DDX20: variants seen among roughly 807,000 people sequenced by gnomAD.
DDX20 encodes probable ATP-dependent RNA helicase DDX20.
In DDX20, 61 loss-of-function variants were observed where a neutral mutation model predicts 76.4. That is an observed-to-expected ratio of 0.80 (90% confidence interval 0.65 to 0.99). The LOEUF is 0.99. Among genes scored for constraint, DDX20 ranks in the 50% least tolerant of loss-of-function variants. DDX20 has a pLI of 0.00. For missense variants in DDX20, 976 were observed against 996.8 expected (o/e 0.98, Z 0.28); for synonymous variants, 357 against 357.4 (o/e 1.00, Z 0.01).
At position 111,756,758 on chromosome 1, in the gene DDX20, A is replaced by C. The variant is rs780427618; in HGVS notation, c.396+18A>C. 1.3e-6 allele frequency: 2 copies of C among 1,594,152 alleles called. No homozygotes were observed. The highest frequency in any genetic ancestry group is 1.7e-6 in the Non-Finnish European group (2 of 1,161,772). On this transcript the variant is annotated intron_variant, in intron 2 of 10. Transcript: ENST00000369702. The stretch of plus-strand genomic sequence containing the variant: ...GTACCCAGGTGAGTTAGCTGAGAGG[A>C]CCAGAGGAGGATGTGTTTTGTGGAC...
rs754589952 is a variant in DDX20, at chr1:111,762,335, T to G, written c.1102T>G (p.Leu368Val). 3.7e-6 allele frequency: 6 copies of G among 1,612,646 alleles called. No homozygotes were observed. In the Admixed American group the frequency reaches 6.7e-5, roughly 18 times the overall value. ...TTGCAGAGTCCTCATTTCCACAGATTTGGTAAATTTCCTATTCAGTTTGGG... is the reference window on the plus strand; with the variant it reads ...TTGCAGAGTCCTCATTTCCACAGATGTGGTAAATTTCCTATTCAGTTTGGG... ...FHCRVLISTDLTSRGIDAEKV... is the reference protein window; with the variant it reads ...FHCRVLISTDVTSRGIDAEKV... The change falls in exon 8 of 11, where the codon TTG becomes GTG. Residue 368 changes from leucine (L) to valine (V), a missense_variant and splice_region_variant. Leu to Val is a conservative substitution (Grantham distance 32). Coordinates refer to ENST00000369702, the MANE Select transcript of DDX20 (RefSeq NM_007204.5).
In DDX20 at chr1:111,760,478, A is replaced by G. The variant is rs749875286; in HGVS notation, c.570A>G (p.Arg190=). 3 of 1,582,492 alleles carry G rather than the reference A, an allele frequency of 1.9e-6. No individual in the cohort carries two copies. In the East Asian group the frequency reaches 6.7e-5, roughly 35 times the overall value. The change falls in exon 4 of 11, where the codon AGA becomes AGG. Residue 190 remains arginine (R), a synonymous_variant. Transcript: ENST00000369702. ...KCHIAVGSPG[R]IKQLIELDYL... Reference sequence around the variant, plus strand: ...CAATTTTTTTTTTTTAATTAGGCAGAATTAAGCAACTCATAGAACTTGACT... The same window carrying G: ...CAATTTTTTTTTTTTAATTAGGCAGGATTAAGCAACTCATAGAACTTGACT...
intron 3 of DDX20, chr1:111,760,251 G>A: frequency 2.4e-6 from 1 of 410,568 alleles, no homozygotes; most frequent in Non-Finnish European, 4.3e-6. Context: ...GATAGAAATG[G>A]TGTTTATTTA....
At chr1:111,759,746 G>A (rs1335738660) in intron 3 of DDX20, among the ~76,000 whole-genome samples, 178 bp downstream of exon 3, 1 of 151,840 alleles carries the variant, frequency 6.6e-6, no homozygotes, top group South Asian at 2.1e-4. Flanking sequence ...AGGCCGAGGC[G>A]GGCGGATCAC....
At position 111,766,427 on chromosome 1, in the gene DDX20, AAGG is replaced by A. The variant is rs1253068772; in HGVS notation, c.2005_2007del (p.Gly669del). ...AGCTCAAGAACCTCTTCCCAGAGCA[AAGG>A]AAATAAGTCATACTTGGAAGGCTCT... On this transcript the variant is annotated inframe_deletion, in exon 11 of 11. Transcript: ENST00000369702. The A allele has an allele frequency of 6.2e-7, 1 of 1,614,052 alleles. No individual in the cohort carries two copies. Among genetic ancestry groups the A allele is most frequent in the African/African-American group, 1.3e-5 (1 of 74,920 alleles).
chr1:111,759,345 TCC>T (rs1663623593), intron 2 of DDX20, 53 bp from the exon 3 acceptor site: 1 of 1,301,636 alleles, frequency 7.7e-7, no homozygotes, highest in African/African-American at 1.5e-5. Context: ...AATATACCAG[TCC>T]CCTATGTATT....
rs778297290 is a variant in DDX20 at position 111,762,341 on chromosome 1, A to C, written c.1104+4A>C. On this transcript the variant is annotated splice_donor_region_variant and intron_variant, in intron 8 of 10. Coordinates refer to ENST00000369702, the MANE Select transcript of DDX20 (RefSeq NM_007204.5). ...AGTCCTCATTTCCACAGATTTGGTA[A>C]ATTTCCTATTCAGTTTGGGTGACTA... The C allele has an allele frequency of 5.6e-6, 9 of 1,611,616 alleles. No homozygotes were observed. The South Asian group carries it at 9.9e-5, about 18-fold the overall frequency.
chr1:111,762,894 C>T lies in DDX20; in HGVS notation c.1211-12C>T. ...AAAATGATTTACTACCTAACATTCT[C>T]TCTGCTTTTAGGTACATTGGGGCTG... On this transcript the variant is annotated splice_polypyrimidine_tract_variant and intron_variant, in intron 9 of 10. Transcript: ENST00000369702. 3.1e-6 allele frequency: 5 copies of T among 1,606,334 alleles called. No homozygotes were observed. The highest frequency in any genetic ancestry group is 2.2e-5 in the East Asian group (1 of 44,826).
intron 2 of DDX20, among the ~76,000 whole-genome samples, chr1:111,757,264 C>T (rs1029308344): frequency 3.9e-5 from 6 of 152,050 alleles, no homozygotes; most frequent in Non-Finnish European, 7.4e-5. Context: ...TTGCACAGAC[C>T]AGCCTTGAAC....
chr1:111,765,613 T>G, intron 10 of DDX20, 124 bp from the exon 11 acceptor site: 1 of 805,164 alleles, frequency 1.2e-6, no homozygotes. Flanking sequence ...ATTAAACATC[T>G]TAGTATATTT....
Position 111,756,176 on chromosome 1 carries a change from G to A in DDX20, c.252G>A (p.Arg84=), listed in dbSNP as rs928477804. The A allele has an allele frequency of 1.5e-5, 23 of 1,535,548 alleles. No homozygotes were observed. The highest frequency in any genetic ancestry group is 1.8e-5 in the Non-Finnish European group (21 of 1,147,990). ...LEGLRAAGFE[R]PSPVQLKAIP... is the part of the protein sequence containing the mutation. ...GGCTGCGGGCGGCCGGCTTCGAGAG[G>A]CCCTCGCCGGTGCAGCTCAAGGCCA... The change falls in exon 1 of 11, where the codon AGG becomes AGA. Residue 84 remains arginine (R), a synonymous_variant. Transcript: ENST00000369702.
chr1:111,761,234 A>T lies in DDX20; in HGVS notation c.971A>T (p.His324Leu). 1 of 1,613,388 alleles carries T rather than the reference A, an allele frequency of 6.2e-7. No homozygotes were observed. The highest frequency in any genetic ancestry group is 8.5e-7 in the Non-Finnish European group (1 of 1,179,634). ...VFSNLHSRAQHLADILSSKGF... is the reference protein window; with the variant it reads ...VFSNLHSRAQLLADILSSKGF... ...TATGTTATATTTCATAGAGCACAACATTTGGCTGATATCCTTTCTTCTAAA... is the reference window on the plus strand; with the variant it reads ...TATGTTATATTTCATAGAGCACAACTTTTGGCTGATATCCTTTCTTCTAAA... Residue 324 changes from histidine (H) to leucine (L), a missense_variant, in exon 7 of 11, where the codon CAT becomes CTT. By Grantham distance (99) the His-to-Leu change is moderately conservative. This residue lies in a region of DDX20 where 630 missense variants were observed against 693.7 expected (regional missense o/e 0.91). Coordinates refer to ENST00000369702, the MANE Select transcript of DDX20 (RefSeq NM_007204.5).
intron 1 of DDX20, 42 bp downstream of exon 1, chr1:111,756,267 A>C: frequency 1.5e-5 from 13 of 863,916 alleles, no homozygotes; most frequent in Non-Finnish European, 1.9e-5. Context: ...GTGGGGTGGG[A>C]GAAGGGGGAC....
At chr1:111,764,992 C>T (rs1223939506) in intron 10 of DDX20, among the ~76,000 whole-genome samples, 1 of 152,186 alleles carries the variant, frequency 6.6e-6, no homozygotes, top group African/African-American at 2.4e-5. Context: ...TTATAGATAA[C>T]ATGGAGCATA....
chr1:111,763,114 C>A, intron 10 of DDX20, 107 bp downstream of exon 10: 2 of 857,650 alleles, frequency 2.3e-6, no homozygotes, highest in Non-Finnish European at 3.7e-6. Context: ...GGGTACTGTT[C>A]CCAGTCCTGT....
chr1:111,756,275 G>A (rs995656404), intron 1 of DDX20, 50 bp downstream of exon 1: 3 of 903,356 alleles, frequency 3.3e-6, no homozygotes, highest in African/African-American at 3.6e-5. Context: ...GGAGAAGGGG[G>A]ACCGACGGGC....
rs775485783 is a variant in DDX20, at chr1:111,766,237, G to C, written c.1813G>C (p.Gly605Arg). The stretch of plus-strand genomic sequence containing the variant: ...GGATTATGAACATTATATTAAAGAG[G>C]GGTTAGAGAAACCTGTGGAAATCAT... ...VEDYEHYIKE[G>R]LEKPVEIIRH... is the part of the protein sequence containing the mutation. The change falls in exon 11 of 11, where the codon GGG becomes CGG. Residue 605 changes from glycine to arginine, a missense_variant. Transcript: ENST00000369702. 3.1e-5 allele frequency: 50 copies of C among 1,613,982 alleles called. No individual in the cohort carries two copies. The Admixed American group carries it at 6.3e-4, about 20-fold the overall frequency.
chr1:111,756,011 C>G lies in DDX20; in HGVS notation c.87C>G (p.Ala29=). The G allele has an allele frequency of 1.9e-6, 3 of 1,609,172 alleles. No individual in the cohort carries two copies. Among genetic ancestry groups the G allele is most frequent in the South Asian group, 1.1e-5 (1 of 90,540 alleles). The part of the protein sequence containing the change: ...PAEHVAVQVP[A]PEPTPGPVRI... ...AGCATGTGGCCGTGCAGGTCCCGGC[C>G]CCAGAGCCAACACCCGGGCCTGTGA... The change falls in exon 1 of 11, where the codon GCC becomes GCG. Residue 29 remains alanine (A), a synonymous_variant. Coordinates refer to ENST00000369702, the MANE Select transcript of DDX20 (RefSeq NM_007204.5).
Position 111,762,759 on chromosome 1 carries a change from G to A in DDX20, c.1187G>A (p.Arg396Gln), listed in dbSNP as rs1428239316. The change falls in exon 9 of 11, where the codon CGG (arginine) becomes CAG (glutamine). Residue 396 changes from arginine to glutamine, a missense_variant. Arg to Gln is a conservative substitution (Grantham distance 43). This residue lies in a region of DDX20 where 630 missense variants were observed against 693.7 expected (regional missense o/e 0.91). Coordinates refer to ENST00000369702, the MANE Select transcript of DDX20 (RefSeq NM_007204.5). ...VPLDWETYMH[R>Q]IGRAGRFGTL... The stretch of plus-strand genomic sequence containing the variant: ...TTGGATTGGGAGACATACATGCATC[G>A]GATTGGGAGAGCTGGCCGTTTTGGT... 3.1e-6 allele frequency: 5 copies of A among 1,613,132 alleles called. No homozygotes were observed. Among genetic ancestry groups the A allele is most frequent in the African/African-American group, 1.3e-5 (1 of 74,678 alleles).
Sources: gnomAD v4.1 joint callset for allele counts (sites outside exome capture counted in the v4.1 genomes callset) on GRCh38, gnomAD v4.1.1 for gene constraint, gnomAD v4.1.1 regional missense constraint, MANE v1.5 for transcripts, NCBI Gene and HGNC (gene_info 2026-07-23, HGNC 2026-07-21) for gene names.